The following DNAI1 variants were observed in gnomAD, a reference collection of about 807,000 sequenced individuals.
The protein encoded by DNAI1 is dynein axonemal intermediate chain 1.
In DNAI1, 67 loss-of-function variants were observed where a neutral mutation model predicts 92.0. The ratio of observed to expected loss-of-function variants is 0.73; its 90% CI spans 0.60 to 0.89. The LOEUF (loss-of-function observed/expected upper bound fraction) is 0.89. Among genes scored for constraint, DNAI1 ranks in the 40% least tolerant of loss-of-function variants. The pLI is 0.00. For missense variants in DNAI1, 839 were observed against 866.6 expected (o/e 0.97, Z 0.40); for synonymous variants, 323 against 319.6 (o/e 1.01, Z -0.11).
At chr9:34,472,626 G>T (rs765747039) in intron 1 of DNAI1, among the ~76,000 whole-genome samples, 5 of 152,180 alleles carry the variant, frequency 3.3e-5, no homozygotes, top group Non-Finnish European at 7.3e-5. Flanking sequence ...ATTAGGCTGG[G>T]TGCAGTGGTT....
intron 18 of DNAI1, among the ~76,000 whole-genome samples, chr9:34,516,744 C>CT (rs543113261): frequency 0.02 from 2,681 of 135,010 alleles, 53 homozygotes; most frequent in African/African-American, 0.05. Context: ...CTTTTCTTTT[C>CT]TTTTTTTTTT....
intron 4 of DNAI1, chr9:34,489,063 A>C: frequency 2.4e-6 from 1 of 412,744 alleles, no homozygotes; most frequent in East Asian, 5.6e-5. Context: ...ATCTGGAGCC[A>C]CTTGAGGTTG....
chr9:34,475,044 T>C (rs1824212934), intron 1 of DNAI1, among the ~76,000 whole-genome samples: 1 of 152,210 alleles, frequency 6.6e-6, no homozygotes, highest in African/African-American at 2.4e-5. Flanking sequence ...TTCAAAGTTT[T>C]AATATTTTCT....
intron 1 of DNAI1, among the ~76,000 whole-genome samples, chr9:34,474,676 C>G (rs1327726210): frequency 7.0e-6 from 1 of 143,470 alleles, no homozygotes; most frequent in Admixed American, 7.5e-5. Flanking sequence ...TCAAGTGATT[C>G]TCCTGCCTCA....
chr9:34,512,033 G>A, intron 13 of DNAI1, 76 bp from the exon 14 acceptor site: 3 of 1,432,524 alleles, frequency 2.1e-6, no homozygotes, highest in Admixed American at 3.3e-5. Flanking sequence ...GGGTGCTTGG[G>A]GGAGCCCTGC....
At chr9:34,484,174 C>T (rs911982261) in intron 2 of DNAI1, among the ~76,000 whole-genome samples, 3 of 152,118 alleles carry the variant, frequency 2.0e-5, no homozygotes, top group East Asian at 1.9e-4. Flanking sequence ...GAGATCGTGC[C>T]GCTGCACTCC....
chr9:34,500,460 T>C (rs577199805), intron 10 of DNAI1, among the ~76,000 whole-genome samples: 39 of 152,324 alleles, frequency 2.6e-4, no homozygotes, highest in Admixed American at 5.9e-4. Context: ...CGGTGTATTG[T>C]AATGTACCTC....
chr9:34,473,157 T>A (rs572863924), intron 1 of DNAI1, among the ~76,000 whole-genome samples: 143 of 152,142 alleles, frequency 9.4e-4, no homozygotes, highest in African/African-American at 3.3e-3. Flanking sequence ...AAAGTTTACT[T>A]CATTCTTTCT....
At chr9:34,494,215 A>T (rs7872597) in intron 9 of DNAI1, among the ~76,000 whole-genome samples, 116,803 of 152,062 alleles carry the variant, frequency 0.77, 45,000 homozygotes, top group South Asian at 0.87. Flanking sequence ...GCTGGACCAG[A>T]TAAAGGAAGT....
chr9:34,489,747 G>T (rs1824545554), intron 5 of DNAI1, among the ~76,000 whole-genome samples: 1 of 152,148 alleles, frequency 6.6e-6, no homozygotes, highest in Non-Finnish European at 1.5e-5. Context: ...TACTCGGGAG[G>T]CTGAGGCAGG....
At chr9:34,475,945 G>T (rs963354220) in intron 1 of DNAI1, among the ~76,000 whole-genome samples, 1 of 152,174 alleles carries the variant, frequency 6.6e-6, no homozygotes, top group African/African-American at 2.4e-5. Flanking sequence ...GTGGGGTCAT[G>T]AACCAAAACA....
chr9:34,500,846 A>G lies in DNAI1; in HGVS notation c.1019+7A>G, dbSNP rs200720794. On this transcript the variant is annotated splice_region_variant and intron_variant, in intron 11 of 19. Coordinates refer to ENST00000242317, the MANE Select transcript of DNAI1 (RefSeq NM_012144.4). Reference sequence around the variant, plus strand: ...CCGTCACTGCCCTCTGCTGGTAAGTATAGGCATTGCAGCAAATGCAGAGCC... The same window carrying G: ...CCGTCACTGCCCTCTGCTGGTAAGTGTAGGCATTGCAGCAAATGCAGAGCC... The G allele has an allele frequency of 7.8e-5, 125 of 1,610,538 alleles. No homozygotes were observed. The East Asian group carries it at 1.2e-3, about 16-fold the overall frequency.
At chr9:34,499,362 C>T (rs1357676754) in intron 10 of DNAI1, among the ~76,000 whole-genome samples, 2 of 152,224 alleles carry the variant, frequency 1.3e-5, no homozygotes, top group East Asian at 3.8e-4. Context: ...GATTCATTTT[C>T]TAATTGGTCA....
chr9:34,497,319 C>T (rs1008799408), intron 10 of DNAI1, 120 bp downstream of exon 10: 7 of 771,118 alleles, frequency 9.1e-6, no homozygotes, highest in African/African-American at 1.7e-5. Flanking sequence ...AAAAAATAAT[C>T]CCTCTGTCCT....
intron 1 of DNAI1, among the ~76,000 whole-genome samples, chr9:34,482,780 G>A (rs545769811): frequency 1.3e-5 from 2 of 152,370 alleles, no homozygotes; most frequent in Non-Finnish European, 2.9e-5. Flanking sequence ...TCAGCCCTTG[G>A]GTGGTCGATG....
intron 9 of DNAI1, among the ~76,000 whole-genome samples, chr9:34,496,070 C>A (rs529870357): frequency 6.6e-6 from 1 of 152,194 alleles, no homozygotes; most frequent in African/African-American, 2.4e-5. Flanking sequence ...GGGTTAGACA[C>A]TAACATGTAT....
At chr9:34,509,544 C>T (rs1356530259) in intron 13 of DNAI1, among the ~76,000 whole-genome samples, 2 of 151,960 alleles carry the variant, frequency 1.3e-5, no homozygotes, top group African/African-American at 2.4e-5. Flanking sequence ...ACTCCCTCTA[C>T]CCCCCTGAGC....
Position 34,458,810 on chromosome 9 carries a change from C to A in DNAI1, c.-196C>A, listed in dbSNP as rs1312155574. 4 of 643,630 alleles carry A rather than the reference C, an allele frequency of 6.2e-6. No homozygotes were observed. Among genetic ancestry groups the A allele is most frequent in the Non-Finnish European group, 1.1e-5 (4 of 353,302 alleles). The allele number at this position is 643,630 out of a possible 1,614,324, so 39.9% of individuals were successfully genotyped here. A position where few individuals can be genotyped will look rare whatever the true frequency, so the allele number is the denominator to read the frequency against. On this transcript the variant is annotated 5_prime_UTR_variant, in exon 1 of 20. It adds an upstream start codon to the 5' untranslated region. Coordinates refer to ENST00000242317, the MANE Select transcript of DNAI1 (RefSeq NM_012144.4). This position sits in a 1 kb window ranked among gnomAD's most constrained non-coding sequence, Gnocchi z 6.6. ...CTGCGCCTTGGCTGCTGGTCGGTTG[C>A]TGGGTAACCGCGTCAGGGAGTTGGA...
In DNAI1 at chr9:34,493,322, GTC is replaced by G; in HGVS notation, c.813_814del (p.Gln272AspfsTer2). 6.2e-7 allele frequency: 1 copy of G among 1,614,096 alleles called. No individual in the cohort carries two copies. Among genetic ancestry groups the G allele is most frequent in the South Asian group, 1.1e-5 (1 of 91,090 alleles). ...MAMRKLTSME[S>X]QTDDLIKLSQ... ...CCATGAGGAAGCTGACATCTATGGA[GTC>G]TCAGGTTTGGTGTTAGTTCCTACAG... On this transcript the variant is annotated frameshift_variant, in exon 9 of 20. Transcript: ENST00000242317. LOFTEE classifies it high-confidence loss of function.
Sources: allele counts gnomAD v4.1 joint callset (sites outside exome capture counted in the v4.1 genomes callset), GRCh38; gene constraint gnomAD v4.1.1; non-coding constraint Gnocchi (gnomAD v3.1); transcripts MANE v1.5; gene names NCBI Gene and HGNC (gene_info 2026-07-23, HGNC 2026-07-21).